The following PPM1H variants were observed in gnomAD, a reference collection of about 807,000 sequenced individuals.
PPM1H encodes protein phosphatase 1H.
Under a neutral mutation model 54.9 loss-of-function variants are expected in PPM1H, and 27 were observed. The observed-to-expected ratio is 0.49, with a 90% CI of 0.36 to 0.68. The LOEUF is 0.68. Ranked by LOEUF, PPM1H falls within the 30% of genes least tolerant of loss-of-function variation. The probability of loss-of-function intolerance (pLI) is 0.00; values close to 1 mark genes in which losing one functional copy is unlikely to be tolerated. For synonymous variants in PPM1H, 305 were observed against 270.8 expected, an observed-to-expected ratio of 1.13 and a Z score of -1.24; for missense variants, 596 against 667.8, an observed-to-expected ratio of 0.89 and a Z score of 1.19.
chr12:62,729,496 T>C (rs1379867526), intron 5 of PPM1H, among the ~76,000 whole-genome samples: 1 of 152,236 alleles, frequency 6.6e-6, no homozygotes, highest in Non-Finnish European at 1.5e-5. Context: ...CAGTGAATTA[T>C]ATGTGGTAAA....
chr12:62,827,269 G>A (rs1341527144), intron 2 of PPM1H, among the ~76,000 whole-genome samples: 1 of 152,146 alleles, frequency 6.6e-6, no homozygotes, highest in African/African-American at 2.4e-5. Context: ...CCTAGTGGCT[G>A]AGCCTGGTAC....
At position 62,795,687 on chromosome 12, in the gene PPM1H, C is replaced by T. The variant is rs368670340; in HGVS notation, c.756+6129G>A. Among the ~76,000 whole-genome samples the T allele has an allele frequency of 5.1e-4, 78 of 152,040 alleles. No individual in the cohort carries two copies. The South Asian group carries it at 1.0e-2, about 19-fold the overall frequency. ...GACCTCGTGATCCACCTGCCTGGGC[C>T]TCCCAAAGTGCTGGGATTACAGGCG... is the stretch of plus-strand genomic sequence containing the variant. On this transcript the variant is annotated intron_variant, in intron 3 of 9. Coordinates refer to ENST00000228705, the MANE Select transcript of PPM1H (RefSeq NM_020700.2).
At chr12:62,810,929 C>G (rs533827019) in intron 2 of PPM1H, among the ~76,000 whole-genome samples, 8 of 152,298 alleles carry the variant, frequency 5.3e-5, no homozygotes, top group African/African-American at 1.9e-4. Flanking sequence ...GTGCCAGGCT[C>G]CATGCTGGGC....
intron 8 of PPM1H, among the ~76,000 whole-genome samples, chr12:62,682,826 G>A (rs559666686): frequency 1.7e-4 from 26 of 151,356 alleles, no homozygotes; most frequent in Non-Finnish European, 3.1e-4. Flanking sequence ...CTTTTTCATG[G>A]GGAGGGGTGG....
At chr12:62,705,557 G>T (rs2120401653) in intron 6 of PPM1H, among the ~76,000 whole-genome samples, 1 of 152,292 alleles carries the variant, frequency 6.6e-6, no homozygotes, top group South Asian at 2.1e-4. Flanking sequence ...GTATAAAACA[G>T]AACTAATAAT....
chr12:62,774,584 C>T (rs1454536775), intron 4 of PPM1H, among the ~76,000 whole-genome samples: 1 of 152,180 alleles, frequency 6.6e-6, no homozygotes, highest in South Asian at 2.1e-4. Flanking sequence ...TCAAATTATT[C>T]TCCTGCTTCA....
chr12:62,691,736 T>A (rs1249237159), intron 7 of PPM1H, among the ~76,000 whole-genome samples: 1 of 150,036 alleles, frequency 6.7e-6, no homozygotes, highest in Non-Finnish European at 1.5e-5. Flanking sequence ...AGTGGGAGGA[T>A]CACCTGATCC....
intron 1 of PPM1H, among the ~76,000 whole-genome samples, chr12:62,900,288 G>A (rs544053365): frequency 6.6e-6 from 1 of 151,898 alleles, no homozygotes; most frequent in South Asian, 2.1e-4. Context: ...CCTTGTGATA[G>A]TTTGCTGAGA....
intron 1 of PPM1H, among the ~76,000 whole-genome samples, chr12:62,890,262 A>C (rs1045827020): frequency 6.6e-6 from 1 of 152,078 alleles, no homozygotes; most frequent in Non-Finnish European, 1.5e-5. Context: ...GGTATTTGAG[A>C]CCAGCCTGGG....
chr12:62,729,289 C>A (rs972296995), intron 5 of PPM1H, among the ~76,000 whole-genome samples: 2 of 152,068 alleles, frequency 1.3e-5, no homozygotes, highest in African/African-American at 4.8e-5. Flanking sequence ...AGCTCTAGGG[C>A]AAGTGTGGCC....
intron 2 of PPM1H, among the ~76,000 whole-genome samples, chr12:62,824,481 C>T (rs549871578): frequency 6.6e-5 from 10 of 152,282 alleles, no homozygotes; most frequent in South Asian, 4.1e-4. Flanking sequence ...GGAGGCATCA[C>T]GCTACCTGAC....
chr12:62,868,420 C>A (rs1869860645), intron 1 of PPM1H, among the ~76,000 whole-genome samples: 1 of 152,176 alleles, frequency 6.6e-6, no homozygotes, highest in Admixed American at 6.5e-5. Context: ...TCTGCTCTGG[C>A]AGTGAAGAAC....
At chr12:62,860,993 C>T (rs1260489280) in intron 1 of PPM1H, among the ~76,000 whole-genome samples, 1 of 152,200 alleles carries the variant, frequency 6.6e-6, no homozygotes, top group East Asian at 1.9e-4. Flanking sequence ...GAAGAGCAGG[C>T]ATTACACCTC....
chr12:62,781,674 G>T (rs1393936465), intron 4 of PPM1H, among the ~76,000 whole-genome samples: 1 of 152,220 alleles, frequency 6.6e-6, no homozygotes, highest in African/African-American at 2.4e-5. Context: ...TGATGCTGCT[G>T]CCAGTTTGGG....
chr12:62,684,473 T>TA (rs748394471), intron 8 of PPM1H, among the ~76,000 whole-genome samples: 15 of 151,782 alleles, frequency 9.9e-5, no homozygotes, highest in Admixed American at 2.0e-4. Flanking sequence ...TCTTTTTTTT[T>TA]AACATAAATT....
chr12:62,785,895 GGGA>G (rs2076667924), intron 4 of PPM1H, among the ~76,000 whole-genome samples: 1 of 152,060 alleles, frequency 6.6e-6, no homozygotes, highest in African/African-American at 2.4e-5. Flanking sequence ...AAAGGCACTG[GGGA>G]GGAGTTGAGT....
intron 8 of PPM1H, among the ~76,000 whole-genome samples, chr12:62,673,457 C>T (rs2075967510): frequency 6.6e-6 from 1 of 152,128 alleles, no homozygotes; most frequent in South Asian, 2.1e-4. Context: ...CTTAAAGCTA[C>T]TTTTAAAAAG....
At chr12:62,773,851 CAG>C (rs947999507) in intron 4 of PPM1H, among the ~76,000 whole-genome samples, 3 of 152,164 alleles carry the variant, frequency 2.0e-5, no homozygotes, top group Admixed American at 6.5e-5. Flanking sequence ...GCACAGCTCT[CAG>C]GGGGAACCAA....
chr12:62,930,364 C>T (rs1465051406), intron 1 of PPM1H, among the ~76,000 whole-genome samples: 3 of 152,168 alleles, frequency 2.0e-5, no homozygotes, highest in Non-Finnish European at 4.4e-5. Context: ...ATAGTTATAG[C>T]TATAACCGAA....
Sources: gnomAD v4.1 joint callset for allele counts (sites outside exome capture counted in the v4.1 genomes callset) on GRCh38, gnomAD v4.1.1 for gene constraint, MANE v1.5 for transcripts, NCBI Gene and HGNC (gene_info 2026-07-23, HGNC 2026-07-21) for gene names.